NDST3: variants seen among roughly 807,000 people sequenced by gnomAD.
NDST3 encodes N-deacetylase and N-sulfotransferase 3, also known as bifunctional heparan sulfate N-deacetylase/N-sulfotransferase 3.
NDST3 carries 58 observed loss-of-function variants against 96.1 expected under a neutral mutation model. That is an observed-to-expected ratio of 0.60 (90% CI 0.49 to 0.75). The LOEUF (loss-of-function observed/expected upper bound fraction) is 0.75. NDST3 is among the 30% of genes least tolerant of loss of function. The probability of loss-of-function intolerance (pLI) is 0.00; values close to 1 mark genes in which losing one functional copy is unlikely to be tolerated. For synonymous variants in NDST3, 333 were observed against 359.7 expected (o/e 0.93, Z 0.84); for missense variants, 788 against 1,034.2 (o/e 0.76, Z 3.27).
chr4:118,248,288 T>C (rs1741448475), intron 12 of NDST3, among the ~76,000 whole-genome samples: 1 of 151,958 alleles, frequency 6.6e-6, no homozygotes, highest in South Asian at 2.1e-4. Context: ...CAGGTTGAGG[T>C]TGCAGTGAGC....
intron 4 of NDST3, among the ~76,000 whole-genome samples, chr4:118,136,704 G>A (rs1035315887): frequency 2.0e-5 from 3 of 152,036 alleles, no homozygotes; most frequent in African/African-American, 2.4e-5. Flanking sequence ...AGTGGCTCCC[G>A]TTTTTGGCAT....
Position 118,238,338 on chromosome 4 carries a change from C to CA in NDST3, c.2118+1123dup, listed in dbSNP as rs141695227. On this transcript the variant is annotated intron_variant, in intron 10 of 13. Transcript: ENST00000296499. The stretch of plus-strand genomic sequence containing the variant: ...TTCTGATGTTGGTTAGAACCTTGCA[C>CA]AAAAACGATCACTTTGAAATAATTT... 5.2e-3 allele frequency among the ~76,000 whole-genome samples: 788 copies of CA among 152,204 alleles called. 13 individuals carry two copies. Among genetic ancestry groups the CA allele is most frequent in the African/African-American group, 0.018 (747 of 41,524 alleles).
intron 3 of NDST3, among the ~76,000 whole-genome samples, 197 bp downstream of exon 3, chr4:118,105,302 G>T (rs1578646532): frequency 1.3e-5 from 2 of 152,046 alleles, no homozygotes; most frequent in East Asian, 3.9e-4. Flanking sequence ...CTATCTGATG[G>T]CCTTTCATTT....
chr4:118,089,929 A>C (rs1280301829), intron 2 of NDST3, among the ~76,000 whole-genome samples: 1 of 151,970 alleles, frequency 6.6e-6, no homozygotes, highest in South Asian at 2.1e-4. Context: ...AGCTTACTCC[A>C]TCATGGAGAT....
chr4:118,237,113 T>C lies in NDST3; in HGVS notation c.2011T>C (p.Tyr671His). ...CTTTTTGTTTGAGAAGAGTGCCAAT[T>C]ACTTCCACTCAGAGGAAGCCCCTAA... ...TDFLFEKSAN[Y>H]FHSEEAPKRA... Residue 671 changes from tyrosine to histidine, a missense_variant, in exon 10 of 14, where the codon TAC becomes CAC. Physicochemically the swap from Tyr to His is moderately conservative, Grantham distance 83 (BLOSUM62 2). Around this residue, in one of 3 missense-constraint regions of NDST3, gnomAD observed 490 missense variants for 708.8 expected, o/e 0.69. Coordinates refer to ENST00000296499, the MANE Select transcript of NDST3 (RefSeq NM_004784.3). 1 of 1,612,870 alleles carries C rather than the reference T, an allele frequency of 6.2e-7. No individual in the cohort carries two copies. The highest frequency in any genetic ancestry group is 2.2e-5 in the East Asian group (1 of 44,828).
chr4:118,220,389 G>A (rs1340050988), intron 6 of NDST3, among the ~76,000 whole-genome samples: 1 of 151,984 alleles, frequency 6.6e-6, no homozygotes, highest in African/African-American at 2.4e-5. Context: ...ACTCATAAGA[G>A]GTAGTTGAAC....
At chr4:118,076,650 T>C (rs188593757) in intron 2 of NDST3, among the ~76,000 whole-genome samples, 2 of 152,320 alleles carry the variant, frequency 1.3e-5, no homozygotes, top group East Asian at 1.9e-4. Context: ...TCAGATCAGT[T>C]TGGTTCTTTC....
At position 118,114,888 on chromosome 4, in the gene NDST3, T is replaced by A; in HGVS notation, c.1152T>A (p.His384Gln). Residue 384 changes from histidine to glutamine, a missense_variant, in exon 4 of 14, where the codon CAT (histidine) becomes CAA (glutamine). Transcript: ENST00000296499. ...EFWWFPHMWSHMQPHLFHNES... is the reference protein window; with the variant it reads ...EFWWFPHMWSQMQPHLFHNES... Reference sequence around the variant, plus strand: ...GGTGGTTTCCTCACATGTGGAGCCATATGCAGCCCCACCTCTTCCACAATG... The same window carrying A: ...GGTGGTTTCCTCACATGTGGAGCCAAATGCAGCCCCACCTCTTCCACAATG... The A allele has an allele frequency of 6.2e-7, 1 of 1,614,134 alleles. No homozygotes were observed. The highest frequency in any genetic ancestry group is 1.6e-4 in the Middle Eastern group (1 of 6,062).
chr4:118,153,802 C>T (rs1016458089), intron 6 of NDST3, among the ~76,000 whole-genome samples: 74 of 151,820 alleles, frequency 4.9e-4, no homozygotes, highest in African/African-American at 1.6e-3. Flanking sequence ...CCAGCCTGGG[C>T]GACAGAGAGA....
intron 2 of NDST3, among the ~76,000 whole-genome samples, chr4:118,097,846 ATTCATTCAT>A (rs1729467680): frequency 2.0e-5 from 3 of 151,850 alleles, no homozygotes; most frequent in African/African-American, 7.2e-5. Context: ...ATCAATCAAA[ATTCATTCAT>A]GTTCCCATTC....
chr4:118,197,361 T>C (rs1051429155), intron 6 of NDST3, among the ~76,000 whole-genome samples: 1 of 108,246 alleles, frequency 9.2e-6, no homozygotes, highest in Admixed American at 8.6e-5. Context: ...GATGTTTCTT[T>C]GTTGATTTTC....
At chr4:118,167,533 C>A (rs931238657) in intron 6 of NDST3, among the ~76,000 whole-genome samples, 16 of 151,912 alleles carry the variant, frequency 1.1e-4, no homozygotes, top group Admixed American at 3.3e-4. Flanking sequence ...ATCCCAGTGG[C>A]ATTTTTTACC....
intron 6 of NDST3, among the ~76,000 whole-genome samples, chr4:118,200,936 C>A (rs969803273): frequency 6.6e-6 from 1 of 152,114 alleles, no homozygotes; most frequent in Non-Finnish European, 1.5e-5. Context: ...TTTCAACCCA[C>A]CCACTCCCAA....
At chr4:118,165,158 G>C (rs59998459) in intron 6 of NDST3, among the ~76,000 whole-genome samples, 35,874 of 151,812 alleles carry the variant, frequency 0.24, 5,597 homozygotes, top group East Asian at 0.6. Flanking sequence ...ACAAAAACAA[G>C]ATCCAGCTAT....
intron 8 of NDST3, among the ~76,000 whole-genome samples, chr4:118,231,057 G>T (rs111862846): frequency 0.17 from 25,466 of 151,778 alleles, 2,277 homozygotes; most frequent in South Asian, 0.23. Flanking sequence ...ATTTAAGGGC[G>T]GGGCACAGTG....
chr4:118,036,816 A>T (rs1724179648), intron 1 of NDST3, among the ~76,000 whole-genome samples: 1 of 152,206 alleles, frequency 6.6e-6, no homozygotes, highest in African/African-American at 2.4e-5. Flanking sequence ...ACTACAATTA[A>T]TTAATGTCTA....
At chr4:118,152,064 T>C (rs1325361013) in intron 6 of NDST3, among the ~76,000 whole-genome samples, 1 of 152,180 alleles carries the variant, frequency 6.6e-6, no homozygotes. Context: ...CATATATTTG[T>C]TAAGGAAAAG....
At chr4:118,156,334 C>T (rs1331483089) in intron 6 of NDST3, among the ~76,000 whole-genome samples, 2 of 152,162 alleles carry the variant, frequency 1.3e-5, no homozygotes, top group Non-Finnish European at 2.9e-5. Context: ...AAGGTTTCTC[C>T]TCTGTGTTCT....
intron 12 of NDST3, among the ~76,000 whole-genome samples, chr4:118,245,369 T>A (rs1316138662): frequency 6.6e-6 from 1 of 152,200 alleles, no homozygotes; most frequent in Non-Finnish European, 1.5e-5. Context: ...TAATTTACTT[T>A]GAAAATGTCA....
Sources: allele counts gnomAD v4.1 joint callset (sites outside exome capture counted in the v4.1 genomes callset), GRCh38; gene constraint gnomAD v4.1.1; regional missense constraint gnomAD v4.1.1; transcripts MANE v1.5; gene names NCBI Gene and HGNC (gene_info 2026-07-23, HGNC 2026-07-21).